RAB23: variants seen among roughly 807,000 people sequenced by gnomAD.
The protein encoded by RAB23 is RAB23, member RAS oncogene family, also known as ras-related protein Rab-23.
In RAB23, 15 loss-of-function variants were observed where a neutral mutation model predicts 30.0. The observed-to-expected ratio is 0.50, with a 90% confidence interval of 0.33 to 0.77. The LOEUF (loss-of-function observed/expected upper bound fraction) is 0.77, where lower values mean the gene tolerates loss of function less well. Ranked by LOEUF, RAB23 falls within the 30% of genes least tolerant of loss-of-function variation. The pLI, the probability that RAB23 is intolerant of heterozygous loss-of-function variation, is 0.02. For synonymous variants in RAB23, 93 were observed against 94.0 expected (o/e 0.99, Z 0.06); for missense variants, 243 against 275.4 (o/e 0.88, Z 0.83).
chr6:57,220,318 GAC>G, intron 1 of RAB23, among the ~76,000 whole-genome samples: 1 of 152,162 alleles, frequency 6.6e-6, no homozygotes, highest in African/African-American at 2.4e-5. Flanking sequence ...AATGCAAAAT[GAC>G]ACAGATACTC....
rs1457683578 is a variant in RAB23 at position 57,187,742 on chromosome 6, T to C, written c.*2719A>G. 6.6e-6 allele frequency: 1 copy of C among 152,176 alleles called. No homozygotes were observed. Among genetic ancestry groups the C allele is most frequent in the Non-Finnish European group, 1.5e-5 (1 of 68,032 alleles). 9.4% of individuals were successfully genotyped at this position (152,176 alleles called of 1,614,324 possible). ...AAAACTCACAGGTCCAAGGAGTACA[T>C]GTTATTTATTGAGAGTTCCTTCTGA... On this transcript the variant is annotated 3_prime_UTR_variant, in exon 7 of 7. Transcript: ENST00000468148.
chr6:57,197,465 C>A (rs181225854), intron 3 of RAB23, among the ~76,000 whole-genome samples: 1 of 152,148 alleles, frequency 6.6e-6, no homozygotes, highest in Non-Finnish European at 1.5e-5. Flanking sequence ...GAAAATCATC[C>A]TGGGGGTCAA....
At position 57,187,483 on chromosome 6, in the gene RAB23, G is replaced by A. The variant is rs968360275; in HGVS notation, c.*2978C>T. On this transcript the variant is annotated 3_prime_UTR_variant, in exon 7 of 7. Coordinates refer to ENST00000468148, the MANE Select transcript of RAB23 (RefSeq NM_016277.5). ...TGAGTAAGTCCTGTTCATTAGGTAG[G>A]TGCCATGTGGAACAAGCTTTCACCT... 3.3e-5 allele frequency: 5 copies of A among 152,278 alleles called. No individual in the cohort carries two copies. The highest frequency in any genetic ancestry group is 2.1e-4 in the South Asian group (1 of 4,826). 9.4% of individuals were successfully genotyped at this position (152,278 alleles called of 1,614,324 possible).
At chr6:57,212,019 A>ATAAC (rs1314571317) in intron 1 of RAB23, among the ~76,000 whole-genome samples, 1 of 152,354 alleles carries the variant, frequency 6.6e-6, no homozygotes. Flanking sequence ...AGTACTTGTT[A>ATAAC]AAGTACAGTT....
chr6:57,211,229 T>C (rs1305679262), intron 1 of RAB23, among the ~76,000 whole-genome samples: 2 of 152,080 alleles, frequency 1.3e-5, no homozygotes, highest in African/African-American at 4.8e-5. Context: ...GGCAAGAGGA[T>C]CGCTTGAAGC....
At chr6:57,209,709 C>G (rs927366819) in intron 2 of RAB23, among the ~76,000 whole-genome samples, 23 of 152,234 alleles carry the variant, frequency 1.5e-4, no homozygotes, top group African/African-American at 5.3e-4. Context: ...GCTTTAGAAT[C>G]CAAATGAATT....
intron 3 of RAB23, among the ~76,000 whole-genome samples, chr6:57,200,054 CTT>C (rs1180749196): frequency 1.3e-5 from 2 of 151,960 alleles, no homozygotes; most frequent in East Asian, 1.9e-4. Flanking sequence ...TAAAAAAAAA[CTT>C]TGACTGAGGT....
intron 5 of RAB23, 83 bp downstream of exon 5, chr6:57,194,687 A>C: frequency 9.7e-7 from 1 of 1,030,944 alleles, no homozygotes; most frequent in Non-Finnish European, 1.4e-6. Context: ...TCTCGTTATA[A>C]ATATAATTTC....
chr6:57,220,007 A>G (rs1253196507), intron 1 of RAB23, among the ~76,000 whole-genome samples: 1 of 152,202 alleles, frequency 6.6e-6, no homozygotes, highest in Non-Finnish European at 1.5e-5. Context: ...AAATACCTGA[A>G]AAACACGTAT....
rs1764781975 is a variant in RAB23 at position 57,190,120 on chromosome 6, A to G, written c.*341T>C. 3.6e-6 allele frequency: 1 copy of G among 274,862 alleles called. No homozygotes were observed. The allele number at this position is 274,862 out of a possible 1,614,324, so 17.0% of individuals were successfully genotyped here. A position where few individuals can be genotyped will look rare whatever the true frequency, so the allele number is the denominator to read the frequency against. Reference sequence around the variant, plus strand: ...TTGCTATCTTTCCTTGATCCACAGTATTAAAATCTGTAACAATATATTTAG... The same window carrying G: ...TTGCTATCTTTCCTTGATCCACAGTGTTAAAATCTGTAACAATATATTTAG... On this transcript the variant is annotated 3_prime_UTR_variant, in exon 7 of 7. Transcript: ENST00000468148.
At chr6:57,200,497 A>G (rs900307455) in intron 3 of RAB23, among the ~76,000 whole-genome samples, 21 of 145,938 alleles carry the variant, frequency 1.4e-4, no homozygotes, top group African/African-American at 5.4e-4. Flanking sequence ...AGACCATGCC[A>G]TCGCACTCCA....
chr6:57,207,580 C>T lies in RAB23; in HGVS notation c.241+48G>A, dbSNP rs746379208. On this transcript the variant is annotated intron_variant, in intron 3 of 6. Coordinates refer to ENST00000468148, the MANE Select transcript of RAB23 (RefSeq NM_016277.5). ...AAGAAAGCAAAATTATTTATTTAGCCAAAATAATATGCCCAAACAAAATAA... is the reference window on the plus strand; with the variant it reads ...AAGAAAGCAAAATTATTTATTTAGCTAAAATAATATGCCCAAACAAAATAA... 1.5e-5 allele frequency: 21 copies of T among 1,366,784 alleles called. 1 individual carries two copies. In the South Asian group the frequency reaches 2.0e-4, roughly 13 times the overall value. 84.7% of individuals were successfully genotyped at this position (1,366,784 alleles called of 1,614,324 possible).
intron 2 of RAB23, 107 bp downstream of exon 2, chr6:57,210,109 CATTGCCACTA>C: frequency 1.9e-6 from 2 of 1,058,934 alleles, no homozygotes; most frequent in Admixed American, 1.9e-5. Context: ...GTCGCATGAG[CATTGCCACTA>C]GTTGCCACAC....
chr6:57,191,940 G>T (rs1249100299), intron 6 of RAB23, among the ~76,000 whole-genome samples: 1 of 152,000 alleles, frequency 6.6e-6, no homozygotes, highest in South Asian at 2.1e-4. Flanking sequence ...TTTAACTCCT[G>T]GGCTCCAGCA....
intron 3 of RAB23, 60 bp downstream of exon 3, chr6:57,207,568 T>C (rs531825538): frequency 8.0e-7 from 1 of 1,242,454 alleles, no homozygotes; most frequent in African/African-American, 1.5e-5. Context: ...AAAGCAAAAT[T>C]ATTTATTTAG....
intron 4 of RAB23, among the ~76,000 whole-genome samples, chr6:57,196,225 TA>T (rs1009694717): frequency 2.6e-5 from 4 of 152,182 alleles, no homozygotes; most frequent in African/African-American, 9.7e-5. Flanking sequence ...CTTCAAATTT[TA>T]ATCCTTTAAT....
intron 1 of RAB23, among the ~76,000 whole-genome samples, chr6:57,221,133 G>T (rs1293775744): frequency 6.6e-6 from 1 of 152,150 alleles, no homozygotes; most frequent in Admixed American, 6.5e-5. Context: ...CTAATCAAAA[G>T]GTTGTTTTCT....
intron 1 of RAB23, among the ~76,000 whole-genome samples, chr6:57,217,557 C>T (rs991141408): frequency 1.3e-5 from 2 of 152,206 alleles, no homozygotes; most frequent in African/African-American, 4.8e-5. Flanking sequence ...ATCCGCCCGC[C>T]GTGGCCTCCC....
At chr6:57,196,416 ACTGTCC>A in intron 4 of RAB23, 28 bp downstream of exon 4, 3 of 1,610,862 alleles carry the variant, frequency 1.9e-6, no homozygotes, top group Non-Finnish European at 2.5e-6. Flanking sequence ...TTATAGAATT[ACTGTCC>A]CTCCTTCCCC....
Sources: gnomAD v4.1 joint callset for allele counts (sites outside exome capture counted in the v4.1 genomes callset) on GRCh38, gnomAD v4.1.1 for gene constraint, MANE v1.5 for transcripts, NCBI Gene and HGNC (gene_info 2026-07-23, HGNC 2026-07-21) for gene names.